Variants in GRM7 observed in about 807,000 individuals in gnomAD.
GRM7 encodes metabotropic glutamate receptor 7.
A neutral mutation model predicts 84.5 loss-of-function variants in GRM7; 35 were observed. The observed-to-expected ratio is 0.41, with a 90% CI of 0.32 to 0.55. GRM7 has a LOEUF of 0.55. GRM7 is among the 20% of genes least tolerant of loss of function. The pLI, the probability that GRM7 is intolerant of heterozygous loss-of-function variation, is 0.19. For synonymous variants in GRM7, 487 were observed against 455.1 expected, an observed-to-expected ratio of 1.07 and a Z score of -0.89; for missense variants, 1,003 against 1,194.6, an observed-to-expected ratio of 0.84 and a Z score of 2.36.
At chr3:6,992,449 G>A (rs943205830) in intron 1 of GRM7, among the ~76,000 whole-genome samples, 1 of 152,152 alleles carries the variant, frequency 6.6e-6, no homozygotes, top group African/African-American at 2.4e-5. Flanking sequence ...AAGTGGGTAA[G>A]GCCACTCCTT....
intron 2 of GRM7, among the ~76,000 whole-genome samples, chr3:7,246,887 A>C (rs1697782374): frequency 6.6e-6 from 1 of 152,168 alleles, no homozygotes; most frequent in Admixed American, 6.6e-5. Flanking sequence ...ACATTGTTGT[A>C]GGATTTACAG....
chr3:7,408,413 G>A (rs537921716), intron 4 of GRM7, among the ~76,000 whole-genome samples: 4 of 152,086 alleles, frequency 2.6e-5, no homozygotes, highest in East Asian at 3.9e-4. Flanking sequence ...AATAATTTTC[G>A]TTGCAATAAT....
chr3:7,241,491 C>T (rs979136456), intron 2 of GRM7, among the ~76,000 whole-genome samples: 1 of 152,028 alleles, frequency 6.6e-6, no homozygotes, highest in African/African-American at 2.4e-5. Flanking sequence ...TTAAGACCAT[C>T]TCATCAATCT....
intron 8 of GRM7, among the ~76,000 whole-genome samples, chr3:7,633,593 G>C (rs1559452494): frequency 3.3e-5 from 5 of 152,074 alleles, no homozygotes. Flanking sequence ...AATTAGGGTA[G>C]CCCTAAATAC....
chr3:7,570,353 A>C (rs370725489), intron 7 of GRM7, among the ~76,000 whole-genome samples: 37 of 152,200 alleles, frequency 2.4e-4, no homozygotes, highest in Non-Finnish European at 2.4e-4. Flanking sequence ...TGAGCCTGTA[A>C]AATAAAATAA....
At chr3:7,631,924 G>A (rs1201395297) in intron 8 of GRM7, among the ~76,000 whole-genome samples, 1 of 152,194 alleles carries the variant, frequency 6.6e-6, no homozygotes, top group African/African-American at 2.4e-5. Flanking sequence ...GAAAATAGGT[G>A]AGAGAGAGTC....
chr3:7,122,078 CA>C (rs1250137300), intron 1 of GRM7, among the ~76,000 whole-genome samples: 1 of 152,122 alleles, frequency 6.6e-6, no homozygotes. Context: ...AACTAAGGAC[CA>C]AATAAAATCT....
chr3:7,387,678 T>C lies in GRM7; in HGVS notation c.1034-27345T>C, dbSNP rs967291427. Among the ~76,000 whole-genome samples, 3 of 152,324 alleles carry C rather than the reference T, an allele frequency of 2.0e-5. 1 individual carries two copies. The South Asian group carries it at 6.2e-4, about 32-fold the overall frequency. On this transcript the variant is annotated intron_variant, in intron 4 of 9. Coordinates refer to ENST00000357716, the MANE Select transcript of GRM7 (RefSeq NM_000844.4). Reference sequence around the variant, plus strand: ...TTTTTGTACCAGTACCATGCTGTTTTGGTTACTGTAGCCTTGTAGGATAAC... The same window carrying C: ...TTTTTGTACCAGTACCATGCTGTTTCGGTTACTGTAGCCTTGTAGGATAAC...
intron 7 of GRM7, chr3:7,560,390 T>C (rs1143740): frequency 0.33 from 50,613 of 151,916 alleles, 8,968 homozygotes; most frequent in Middle Eastern, 0.48. Context: ...CCCAAAGGCA[T>C]GTGTGATAGT....
At chr3:7,044,162 G>A (rs933864820) in intron 1 of GRM7, among the ~76,000 whole-genome samples, 2 of 152,068 alleles carry the variant, frequency 1.3e-5, no homozygotes, top group Non-Finnish European at 1.5e-5. Context: ...GTAGTGCAGG[G>A]GACATTCTTC....
chr3:7,224,437 G>T (rs1276547868), intron 2 of GRM7, among the ~76,000 whole-genome samples: 3 of 152,154 alleles, frequency 2.0e-5, no homozygotes, highest in African/African-American at 7.2e-5. Context: ...CAACATTGGG[G>T]ATTACAGTTG....
chr3:7,375,827 C>G (rs1310558512), intron 4 of GRM7, among the ~76,000 whole-genome samples: 2 of 152,166 alleles, frequency 1.3e-5, no homozygotes, highest in Non-Finnish European at 2.9e-5. Flanking sequence ...TTCCTTTAGC[C>G]TAATTCCCAA....
At chr3:7,197,173 A>G (rs1440464974) in intron 2 of GRM7, among the ~76,000 whole-genome samples, 8 of 152,166 alleles carry the variant, frequency 5.3e-5, no homozygotes, top group Non-Finnish European at 1.2e-4. Context: ...GCTTTTGGTT[A>G]ACCAACAAAT....
intron 1 of GRM7, among the ~76,000 whole-genome samples, chr3:7,078,266 A>T (rs1698161110): frequency 6.6e-6 from 1 of 152,218 alleles, no homozygotes; most frequent in African/African-American, 2.4e-5. Flanking sequence ...TCTACACATC[A>T]TCATCACCCA....
intron 1 of GRM7, among the ~76,000 whole-genome samples, chr3:7,006,095 T>A (rs1695175664): frequency 6.6e-6 from 1 of 152,186 alleles, no homozygotes. Flanking sequence ...TCCCCCCTCC[T>A]GGCTCTCCTC....
At chr3:6,869,516 C>G (rs1695043323) in intron 1 of GRM7, among the ~76,000 whole-genome samples, 1 of 151,186 alleles carries the variant, frequency 6.6e-6, no homozygotes, top group Non-Finnish European at 1.5e-5. Context: ...GGATTACACT[C>G]TTCTCTGTTT....
At chr3:7,654,694 G>A (rs1484477590) in intron 8 of GRM7, among the ~76,000 whole-genome samples, 2 of 152,160 alleles carry the variant, frequency 1.3e-5, no homozygotes, top group East Asian at 1.9e-4. Context: ...AGAATCACCT[G>A]AGGTTGATAT....
intron 8 of GRM7, among the ~76,000 whole-genome samples, chr3:7,579,575 T>G (rs1316402596): frequency 6.6e-6 from 1 of 152,320 alleles, no homozygotes; most frequent in African/African-American, 2.4e-5. Flanking sequence ...TGTAGCCTTT[T>G]CAAATCAATT....
chr3:7,129,644 G>T (rs781178770), intron 1 of GRM7, among the ~76,000 whole-genome samples: 2 of 152,002 alleles, frequency 1.3e-5, no homozygotes, highest in Non-Finnish European at 2.9e-5. Context: ...CTGCTTGAGA[G>T]ATGAGTTCAT....
Sources: allele counts gnomAD v4.1 joint callset (sites outside exome capture counted in the v4.1 genomes callset), GRCh38; gene constraint gnomAD v4.1.1; transcripts MANE v1.5; gene names NCBI Gene and HGNC (gene_info 2026-07-23, HGNC 2026-07-21).